Variants in CIT observed in about 807,000 individuals in gnomAD.
CIT encodes citron rho-interacting serine/threonine kinase, also known as citron Rho-interacting kinase.
A neutral mutation model predicts 272.7 loss-of-function variants in CIT; 79 were observed. The ratio of observed to expected loss-of-function variants is 0.29; its 90% CI spans 0.24 to 0.35. The LOEUF (loss-of-function observed/expected upper bound fraction) is 0.35. Among genes scored for constraint, CIT ranks in the 10% least tolerant of loss-of-function variants. The pLI, the probability that CIT is intolerant of heterozygous loss-of-function variation, is 1.00. For missense variants in CIT, 1,909 were observed against 2,618.3 expected (o/e 0.73, Z 5.91); for synonymous variants, 948 against 995.6 (o/e 0.95, Z 0.90).
At chr12:119,839,321 T>C (rs1011310897) in intron 5 of CIT, among the ~76,000 whole-genome samples, 1 of 152,242 alleles carries the variant, frequency 6.6e-6, no homozygotes, top group African/African-American at 2.4e-5. Flanking sequence ...TTTAGTACTC[T>C]ATTCCAATTC....
chr12:119,695,312 C>A (rs1178766826), intron 46 of CIT, among the ~76,000 whole-genome samples: 3 of 152,012 alleles, frequency 2.0e-5, no homozygotes, highest in African/African-American at 4.8e-5. Flanking sequence ...TGAAGCTCCC[C>A]AAAAAGCCCC....
At position 119,805,442 on chromosome 12, in the gene CIT, T is replaced by C. The variant is rs543494161; in HGVS notation, c.1112-2053A>G. ...ACTCCACAAATATGACCTGCTATTATTGCTACTGCTCACAGGAATTGCATG... is the reference window on the plus strand; with the variant it reads ...ACTCCACAAATATGACCTGCTATTACTGCTACTGCTCACAGGAATTGCATG... On this transcript the variant is annotated intron_variant, in intron 9 of 47. Transcript: ENST00000392521. Among the ~76,000 whole-genome samples, 14 of 152,374 alleles carry C rather than the reference T, an allele frequency of 9.2e-5. No homozygotes were observed. The South Asian group carries it at 2.9e-3, about 32-fold the overall frequency.
intron 13 of CIT, among the ~76,000 whole-genome samples, chr12:119,777,861 G>T (rs1963927103): frequency 6.6e-6 from 1 of 152,066 alleles, no homozygotes; most frequent in Non-Finnish European, 1.5e-5. Flanking sequence ...TCCGCCAAGG[G>T]TAATCATTTA....
intron 3 of CIT, among the ~76,000 whole-genome samples, chr12:119,860,010 G>T (rs1446777450): frequency 6.6e-6 from 1 of 151,972 alleles, no homozygotes; most frequent in Non-Finnish European, 1.5e-5. Context: ...TACAGGTAGG[G>T]TCTCATTATG....
rs149921388 is a variant in CIT, at chr12:119,867,483, C to T, written c.238+1577G>A. On this transcript the variant is annotated intron_variant, in intron 3 of 47. Transcript: ENST00000392521. ...GCTTACACGCATGAGCCACCGCGCC[C>T]AGCCACAGTGACTATTGTTTTAAGT... Among the ~76,000 whole-genome samples, 4 of 152,304 alleles carry T rather than the reference C, an allele frequency of 2.6e-5. No homozygotes were observed. The East Asian group carries it at 7.7e-4, about 29-fold the overall frequency.
At chr12:119,729,184 A>G (rs1958294022) in intron 27 of CIT, among the ~76,000 whole-genome samples, 1 of 152,218 alleles carries the variant, frequency 6.6e-6, no homozygotes, top group African/African-American at 2.4e-5. Context: ...AACTAGAAAA[A>G]AATATTTTTC....
At chr12:119,844,554 A>G (rs1181637964) in intron 5 of CIT, among the ~76,000 whole-genome samples, 2 of 152,212 alleles carry the variant, frequency 1.3e-5, no homozygotes, top group African/African-American at 4.8e-5. Flanking sequence ...AACTCTAGGT[A>G]TTTCAGAATT....
intron 3 of CIT, among the ~76,000 whole-genome samples, chr12:119,868,570 ACT>A (rs1271261904): frequency 4.6e-5 from 7 of 151,948 alleles, no homozygotes; most frequent in African/African-American, 1.5e-4. Flanking sequence ...ACAGGGTCTC[ACT>A]CTGTCACCCA....
intron 9 of CIT, among the ~76,000 whole-genome samples, chr12:119,816,488 T>C (rs928942986): frequency 6.6e-6 from 1 of 152,146 alleles, no homozygotes; most frequent in African/African-American, 2.4e-5. Context: ...CAAGAAACTC[T>C]GAGGCTAGCA....
chr12:119,784,993 T>C lies in CIT; in HGVS notation c.1368A>G (p.Lys456=), dbSNP rs771945559. 6.2e-7 allele frequency: 1 copy of C among 1,614,190 alleles called. No individual in the cohort carries two copies. The highest frequency in any genetic ancestry group is 1.1e-5 in the South Asian group (1 of 91,082). The change falls in exon 11 of 48, where the codon AAA becomes AAG. Residue 456 remains lysine (K), a synonymous_variant. Coordinates refer to ENST00000392521, the MANE Select transcript of CIT (RefSeq NM_001206999.2). This position sits in a 1 kb window ranked among gnomAD's most constrained non-coding sequence, Gnocchi z 4.7. ...SMEKKLLIKS[K]ELQDSQDKCH... ...ACTTGTCCTGAGAGTCTTGTAGCTC[T>C]TTGCTTTTGATGAGAAGTTTCTTTT...
At chr12:119,717,834 C>A (rs369778335) in intron 32 of CIT, among the ~76,000 whole-genome samples, 18 of 70,232 alleles carry the variant, frequency 2.6e-4, no homozygotes, top group South Asian at 1.0e-3. Flanking sequence ...AGACTGACTT[C>A]TTTCTTTTTT....
rs539469834 is a variant in CIT, at chr12:119,868,967, G to A, written c.238+93C>T. 6.9e-6 allele frequency: 10 copies of A among 1,442,804 alleles called. 1 individual carries two copies. The highest frequency in any genetic ancestry group is 2.3e-4 in the Middle Eastern group (1 of 4,358). 89.4% of individuals were successfully genotyped at this position (1,442,804 alleles called of 1,614,324 possible). On this transcript the variant is annotated intron_variant, in intron 3 of 47. Coordinates refer to ENST00000392521, the MANE Select transcript of CIT (RefSeq NM_001206999.2). The stretch of plus-strand genomic sequence containing the variant: ...CTTATATAGAACCAGAGTTCTTACC[G>A]ACTACTATCAACCAGTAACTCATTC...
In CIT at chr12:119,712,736, C is replaced by T. The variant is rs1490576615; in HGVS notation, c.4580-41G>A. On this transcript the variant is annotated intron_variant, in intron 35 of 47. Coordinates refer to ENST00000392521, the MANE Select transcript of CIT (RefSeq NM_001206999.2). The surrounding 1 kb of genome is among the most constrained non-coding windows in gnomAD (Gnocchi z 5.2). ...AAGGGCAGAAAGAAAAACAAAAGAA[C>T]AGGAACAAGAACAAGGGGAGAAGAG... 6.5e-7 allele frequency: 1 copy of T among 1,528,204 alleles called. No homozygotes were observed. The highest frequency in any genetic ancestry group is 9.1e-7 in the Non-Finnish European group (1 of 1,102,078). The allele number at this position is 1,528,204 out of a possible 1,614,324, so 94.7% of individuals were successfully genotyped here. A position where few individuals can be genotyped will look rare whatever the true frequency, so the allele number is the denominator to read the frequency against.
At chr12:119,688,337 T>G in intron 47 of CIT, 82 bp from the exon 48 acceptor site, 1 of 1,367,010 alleles carries the variant, frequency 7.3e-7, no homozygotes, top group South Asian at 1.2e-5. Flanking sequence ...AATGGGAATC[T>G]GCAGCCCCTG....
intron 5 of CIT, among the ~76,000 whole-genome samples, chr12:119,846,128 C>T (rs1034537214): frequency 6.6e-6 from 1 of 152,206 alleles, no homozygotes; most frequent in Admixed American, 6.5e-5. Flanking sequence ...AAACAATGCA[C>T]TCCCATCAAC....
intron 2 of CIT, among the ~76,000 whole-genome samples, chr12:119,869,535 T>C (rs971154297): frequency 2.0e-5 from 3 of 152,246 alleles, no homozygotes; most frequent in African/African-American, 7.2e-5. Context: ...CATGCTTCCA[T>C]GTTTCTACAA....
At chr12:119,863,336 GAAC>G (rs755794883) in intron 3 of CIT, among the ~76,000 whole-genome samples, 32 of 151,722 alleles carry the variant, frequency 2.1e-4, no homozygotes, top group Non-Finnish European at 3.4e-4. Context: ...ACTAAGAAGG[GAAC>G]AACAGACATT....
intron 9 of CIT, among the ~76,000 whole-genome samples, chr12:119,810,437 C>T (rs1966828643): frequency 6.6e-6 from 1 of 152,098 alleles, no homozygotes; most frequent in South Asian, 2.1e-4. Context: ...TAGTGGCTCA[C>T]ACCTGTAATC....
chr12:119,726,567 C>T (rs754540992), intron 28 of CIT, among the ~76,000 whole-genome samples: 114 of 152,060 alleles, frequency 7.5e-4, no homozygotes, highest in Admixed American at 1.8e-3. Context: ...TCAAACTTAA[C>T]AGCATAACAA....
Sources: gnomAD v4.1 joint callset for allele counts (sites outside exome capture counted in the v4.1 genomes callset) on GRCh38, gnomAD v4.1.1 for gene constraint, Gnocchi (gnomAD v3.1) non-coding constraint, MANE v1.5 for transcripts, NCBI Gene and HGNC (gene_info 2026-07-23, HGNC 2026-07-21) for gene names.